Variants in CDK14 observed in about 807,000 individuals in gnomAD.
CDK14 encodes cyclin dependent kinase 14, also known as cyclin-dependent kinase 14.
CDK14 carries 34 observed loss-of-function variants against 60.7 expected under a neutral mutation model. The observed-to-expected ratio is 0.56, with a 90% CI of 0.43 to 0.75. The LOEUF (loss-of-function observed/expected upper bound fraction) is 0.75, where lower values mean the gene tolerates loss of function less well. Among genes scored for constraint, CDK14 ranks in the 30% least tolerant of loss-of-function variants. The pLI, the probability that CDK14 is intolerant of heterozygous loss-of-function variation, is 0.00. For missense variants in CDK14, 482 were observed against 564.1 expected, an observed-to-expected ratio of 0.85 and a Z score of 1.47; for synonymous variants, 197 against 203.7, an observed-to-expected ratio of 0.97 and a Z score of 0.28.
intron 5 of CDK14, among the ~76,000 whole-genome samples, chr7:90,805,525 C>A (rs1158978519): frequency 6.6e-6 from 1 of 151,892 alleles, no homozygotes; most frequent in African/African-American, 2.4e-5. Context: ...CTTATAATCA[C>A]TTTAAATACT....
In CDK14 at chr7:90,790,648, G is replaced by A. The variant is rs372741353; in HGVS notation, c.540G>A (p.Arg180=). The change falls in exon 5 of 15, where the codon AGG becomes AGA. Residue 180 remains arginine (R), a synonymous_variant. Transcript: ENST00000380050. ...AAGGGACACCTTTCACAGCTATCAG[G>A]GAAGGTAGGCACTTTTCCTTGTTGA... ...EEEGTPFTAI[R]EASLLKGLKH... 20 of 1,610,316 alleles carry A rather than the reference G, an allele frequency of 1.2e-5. No homozygotes were observed. Among genetic ancestry groups the A allele is most frequent in the Non-Finnish European group, 1.5e-5 (18 of 1,177,342 alleles).
intron 5 of CDK14, among the ~76,000 whole-genome samples, chr7:90,811,351 A>G (rs1476810576): frequency 2.6e-5 from 4 of 152,102 alleles, no homozygotes; most frequent in Non-Finnish European, 5.9e-5. Flanking sequence ...AACCTGAGAA[A>G]AACAAGCAAT....
intron 5 of CDK14, among the ~76,000 whole-genome samples, chr7:90,801,791 T>C (rs1788642540): frequency 6.6e-6 from 1 of 152,208 alleles, no homozygotes; most frequent in African/African-American, 2.4e-5. Context: ...AAATATATAG[T>C]TTTGATGATC....
chr7:91,110,619 C>T (rs1033711329), intron 12 of CDK14, among the ~76,000 whole-genome samples: 13 of 152,122 alleles, frequency 8.5e-5, no homozygotes, highest in African/African-American at 3.1e-4. Context: ...ATCGCAATCA[C>T]CTTTCTCTTC....
intron 5 of CDK14, among the ~76,000 whole-genome samples, chr7:90,806,648 A>G (rs1334665004): frequency 6.6e-6 from 1 of 152,206 alleles, no homozygotes; most frequent in East Asian, 1.9e-4. Flanking sequence ...TGCACCGAGC[A>G]TGAGCCAAAT....
chr7:90,912,018 A>G (rs1401647814), intron 7 of CDK14, among the ~76,000 whole-genome samples: 1 of 152,154 alleles, frequency 6.6e-6, no homozygotes, highest in Non-Finnish European at 1.5e-5. Context: ...TCATCGTTTC[A>G]TTACTATTTA....
intron 2 of CDK14, among the ~76,000 whole-genome samples, chr7:90,659,869 C>G (rs867236243): frequency 1.4e-5 from 2 of 145,836 alleles, no homozygotes; most frequent in African/African-American, 2.6e-5. Context: ...CTCTCTCTCT[C>G]TCTCTCTGTG....
intron 2 of CDK14, among the ~76,000 whole-genome samples, chr7:90,666,820 T>C (rs1397079354): frequency 6.6e-6 from 1 of 152,214 alleles, no homozygotes; most frequent in African/African-American, 2.4e-5. Context: ...ATTAAAGCCA[T>C]TGCTGTCCTG....
At chr7:91,006,024 T>C (rs1161366876) in intron 10 of CDK14, among the ~76,000 whole-genome samples, 2 of 152,194 alleles carry the variant, frequency 1.3e-5, no homozygotes, top group African/African-American at 4.8e-5. Context: ...GGCTCCAGGC[T>C]CATCCAAACA....
chr7:91,073,747 C>T (rs1192921183), intron 11 of CDK14, among the ~76,000 whole-genome samples: 1 of 151,036 alleles, frequency 6.6e-6, no homozygotes, highest in Admixed American at 6.6e-5. Context: ...GTGCGGTACC[C>T]ACGAGACCCA....
chr7:90,786,986 A>G (rs919478952), intron 4 of CDK14, among the ~76,000 whole-genome samples: 5 of 151,940 alleles, frequency 3.3e-5, no homozygotes, highest in Admixed American at 2.0e-4. Context: ...CTATTAAAAA[A>G]TTTCTTAACG....
At chr7:90,989,975 G>A (rs1795484037) in intron 10 of CDK14, among the ~76,000 whole-genome samples, 1 of 152,148 alleles carries the variant, frequency 6.6e-6, no homozygotes. Context: ...GGGAAAAGGA[G>A]ACATCAGGCA....
intron 14 of CDK14, among the ~76,000 whole-genome samples, chr7:91,182,051 A>G (rs1170124996): frequency 6.6e-6 from 1 of 152,086 alleles, no homozygotes; most frequent in African/African-American, 2.4e-5. Flanking sequence ...CAAATTCAAG[A>G]TTATGGAGTT....
At chr7:90,599,583 A>G (rs911065063) in intron 1 of CDK14, among the ~76,000 whole-genome samples, 2 of 152,242 alleles carry the variant, frequency 1.3e-5, no homozygotes, top group Admixed American at 6.5e-5. Flanking sequence ...GGTCAATACC[A>G]TAGGCTGTCA....
In CDK14 at chr7:91,112,647, T is replaced by A; in HGVS notation, c.1260T>A (p.Ser420Arg). The A allele has an allele frequency of 6.2e-7, 1 of 1,613,730 alleles. No individual in the cohort carries two copies. ...AQAALSHEYF[S>R]DLPPRLWELT... ...CTGCCTTGAGCCACGAGTATTTTAG[T>A]GACCTGCCGCCACGGCTATGGGAAC... The change falls in exon 13 of 15, where the codon AGT (serine) becomes AGA (arginine). Residue 420 changes from serine to arginine, a missense_variant. Transcript: ENST00000380050.
intron 6 of CDK14, among the ~76,000 whole-genome samples, chr7:90,877,853 T>C (rs1172732212): frequency 1.3e-5 from 2 of 152,108 alleles, no homozygotes; most frequent in East Asian, 3.9e-4. Context: ...AAAAATACAT[T>C]GAACTGAGTG....
At chr7:91,173,829 G>C (rs1013037615) in intron 14 of CDK14, among the ~76,000 whole-genome samples, 2 of 152,190 alleles carry the variant, frequency 1.3e-5, no homozygotes, top group African/African-American at 2.4e-5. Context: ...CTCGCTGATT[G>C]CTAGCACAGC....
chr7:90,634,831 G>A (rs893966021), intron 2 of CDK14, among the ~76,000 whole-genome samples: 4 of 152,028 alleles, frequency 2.6e-5, no homozygotes, highest in African/African-American at 9.7e-5. Flanking sequence ...CATTCTAACT[G>A]GTGTGAGATG....
At chr7:91,029,703 T>G (rs1272883719) in intron 10 of CDK14, among the ~76,000 whole-genome samples, 2 of 151,882 alleles carry the variant, frequency 1.3e-5, no homozygotes, top group Non-Finnish European at 2.9e-5. Flanking sequence ...ATTTTCAGCT[T>G]GGTCATTATT....
Sources: gnomAD v4.1 joint callset for allele counts (sites outside exome capture counted in the v4.1 genomes callset) on GRCh38, gnomAD v4.1.1 for gene constraint, MANE v1.5 for transcripts, NCBI Gene and HGNC (gene_info 2026-07-23, HGNC 2026-07-21) for gene names.